The following RUNX2 variants were observed in gnomAD, a reference collection of about 807,000 sequenced individuals.
The protein encoded by RUNX2 is runt-related transcription factor 2.
Under a neutral mutation model 51.7 loss-of-function variants are expected in RUNX2, and 10 were observed. The ratio of observed to expected loss-of-function variants is 0.19; its 90% CI spans 0.12 to 0.33. RUNX2 has a LOEUF of 0.33. Among genes scored for constraint, RUNX2 ranks in the 10% least tolerant of loss-of-function variants. The pLI is 1.00. For synonymous variants in RUNX2, 276 were observed against 273.6 expected (o/e 1.01, Z -0.09); for missense variants, 562 against 691.3 (o/e 0.81, Z 2.10).
At chr6:45,426,121 G>A (rs1307441344) in intron 3 of RUNX2, among the ~76,000 whole-genome samples, 7 of 152,036 alleles carry the variant, frequency 4.6e-5, no homozygotes, top group South Asian at 2.1e-4. Flanking sequence ...CTCTTGTTTC[G>A]AGATGATATA....
rs753653583 is a variant in RUNX2 at position 45,431,892 on chromosome 6, G to A, written c.453G>A (p.Gly151=). 6 of 1,614,118 alleles carry A rather than the reference G, an allele frequency of 3.7e-6. No individual in the cohort carries two copies. In the East Asian group the frequency reaches 1.3e-4, roughly 36 times the overall value. ...KVVALGEVPD[G]TVVTVMAGND... Reference sequence around the variant, plus strand: ...TAGCCCTCGGAGAGGTACCAGATGGGACTGTGGTTACTGTCATGGCGGGTA... The same window carrying A: ...TAGCCCTCGGAGAGGTACCAGATGGAACTGTGGTTACTGTCATGGCGGGTA... Residue 151 remains glycine (G), a synonymous_variant, in exon 4 of 9, where the codon GGG becomes GGA. Transcript: ENST00000647337.
intron 3 of RUNX2, among the ~76,000 whole-genome samples, chr6:45,430,972 T>A (rs1002371485): frequency 1.3e-5 from 2 of 152,228 alleles, no homozygotes; most frequent in Admixed American, 6.5e-5. Flanking sequence ...CTGGGCTCTG[T>A]GTTAATCAAA....
intron 7 of RUNX2, among the ~76,000 whole-genome samples, chr6:45,519,792 G>A (rs376345728): frequency 0.19 from 9,381 of 50,066 alleles, 936 homozygotes; most frequent in African/African-American, 0.5. Context: ...ATATATATAT[G>A]TGTGTGTGTG....
intron 2 of RUNX2, among the ~76,000 whole-genome samples, chr6:45,419,887 C>T (rs770797622): frequency 6.6e-6 from 1 of 151,486 alleles, no homozygotes; most frequent in African/African-American, 2.4e-5. Context: ...TCGGAGTCAC[C>T]GAGGGTGGCA....
chr6:45,394,304 T>C (rs1797537877), intron 2 of RUNX2, among the ~76,000 whole-genome samples: 1 of 152,108 alleles, frequency 6.6e-6, no homozygotes. Flanking sequence ...TCCGCCCCCA[T>C]GACCCAAACA....
chr6:45,515,172 T>C (rs939296546), intron 7 of RUNX2, among the ~76,000 whole-genome samples: 6 of 152,188 alleles, frequency 3.9e-5, no homozygotes, highest in South Asian at 2.1e-4. Context: ...CATCTCCATA[T>C]CTAAAGGGAT....
intron 7 of RUNX2, among the ~76,000 whole-genome samples, chr6:45,516,252 A>G (rs1801316834): frequency 6.6e-6 from 1 of 152,234 alleles, no homozygotes; most frequent in African/African-American, 2.4e-5. Context: ...CTTCAAGTTC[A>G]GAGGTACAAT....
chr6:45,437,203 G>T (rs1417163716), intron 4 of RUNX2, among the ~76,000 whole-genome samples: 1 of 152,180 alleles, frequency 6.6e-6, no homozygotes, highest in East Asian at 1.9e-4. Context: ...ATATTTCAAT[G>T]AAGCACACCT....
chr6:45,493,374 G>A (rs942881782), intron 6 of RUNX2, among the ~76,000 whole-genome samples: 3 of 152,264 alleles, frequency 2.0e-5, no homozygotes, highest in Non-Finnish European at 4.4e-5. Flanking sequence ...AAAGGTCAAT[G>A]TGTTCACTAG....
chr6:45,547,024 T>C lies in RUNX2; in HGVS notation c.1285T>C (p.Ser429Pro), dbSNP rs983870571. The C allele has an allele frequency of 1.9e-6, 3 of 1,614,002 alleles. No individual in the cohort carries two copies. The highest frequency in any genetic ancestry group is 4.5e-5 in the East Asian group (2 of 44,864). ...HTYLPPPYPG[S>P]SQSQSGPFQT... is the part of the protein sequence containing the mutation. ...CTACCTGCCACCACCCTACCCCGGC[T>C]CTTCCCAAAGCCAGAGTGGACCCTT... The change falls in exon 9 of 9, where the codon TCT becomes CCT. Residue 429 changes from serine (S) to proline (P), a missense_variant. Physicochemically the swap from Ser to Pro is moderately conservative, Grantham distance 74 (BLOSUM62 -1). This residue lies in a region of RUNX2 where 304 missense variants were observed against 353.2 expected (regional missense o/e 0.86). Transcript: ENST00000647337.
At chr6:45,506,185 TTCATCCTC>T (rs972021631) in intron 6 of RUNX2, among the ~76,000 whole-genome samples, 3 of 152,136 alleles carry the variant, frequency 2.0e-5, no homozygotes, top group African/African-American at 7.2e-5. Flanking sequence ...TCTTCCTGGG[TTCATCCTC>T]AGGGCCCGCA....
chr6:45,339,184 G>A (rs1789242949), intron 2 of RUNX2, among the ~76,000 whole-genome samples: 1 of 152,094 alleles, frequency 6.6e-6, no homozygotes, highest in Admixed American at 6.6e-5. Flanking sequence ...GATTGAAAGA[G>A]TATTCCATTA....
chr6:45,328,482 T>A, intron 1 of RUNX2, 22 bp downstream of exon 1: 1 of 1,497,216 alleles, frequency 6.7e-7, no homozygotes, highest in Non-Finnish European at 9.0e-7. Flanking sequence ...CTAACCACAG[T>A]CTATGCAGTA....
chr6:45,545,227 T>A lies in RUNX2; in HGVS notation c.1032T>A (p.Thr344=). The part of the protein sequence containing the change: ...DVPRRISDDD[T]ATSDFCLWPS... Reference sequence around the variant, plus strand: ...CCCCTCATTTTACAGATGATGACACTGCCACCTCTGACTTCTGCCTCTGGC... The same window carrying A: ...CCCCTCATTTTACAGATGATGACACAGCCACCTCTGACTTCTGCCTCTGGC... The change falls in exon 8 of 9, where the codon ACT becomes ACA. Residue 344 remains threonine, a synonymous_variant. Transcript: ENST00000647337. 1 of 1,549,400 alleles carries A rather than the reference T, an allele frequency of 6.5e-7. No homozygotes were observed. The highest frequency in any genetic ancestry group is 2.0e-5 in the Admixed American group (1 of 50,998).
chr6:45,496,548 A>T (rs1194349039), intron 6 of RUNX2, among the ~76,000 whole-genome samples: 1 of 152,188 alleles, frequency 6.6e-6, no homozygotes, highest in Admixed American at 6.5e-5. Context: ...TTTTGATTGG[A>T]AAGTTGAGAA....
intron 5 of RUNX2, among the ~76,000 whole-genome samples, chr6:45,456,973 T>C (rs1799335280): frequency 6.6e-6 from 1 of 152,216 alleles, no homozygotes; most frequent in Non-Finnish European, 1.5e-5. Context: ...GTTCCTGCTG[T>C]GAATTTGAAG....
chr6:45,511,891 A>T (rs1801161397), intron 6 of RUNX2, among the ~76,000 whole-genome samples: 1 of 152,224 alleles, frequency 6.6e-6, no homozygotes, highest in Non-Finnish European at 1.5e-5. Context: ...AATTTTAGAG[A>T]TACAGAAAAT....
intron 3 of RUNX2, among the ~76,000 whole-genome samples, chr6:45,428,537 A>AT (rs915949536): frequency 1.3e-5 from 2 of 151,884 alleles, no homozygotes; most frequent in Non-Finnish European, 2.9e-5. Context: ...TTGCATTAGC[A>AT]TTTTTTTTCA....
intron 2 of RUNX2, among the ~76,000 whole-genome samples, chr6:45,376,832 G>C (rs1796845934): frequency 1.3e-5 from 2 of 151,562 alleles, no homozygotes; most frequent in Non-Finnish European, 2.9e-5. Flanking sequence ...AAGACCCCAG[G>C]TCCTCTCCTT....
Sources: allele counts gnomAD v4.1 joint callset (sites outside exome capture counted in the v4.1 genomes callset), GRCh38; gene constraint gnomAD v4.1.1; regional missense constraint gnomAD v4.1.1; transcripts MANE v1.5; gene names NCBI Gene and HGNC (gene_info 2026-07-23, HGNC 2026-07-21).